Variants in NDUFS1 observed in about 807,000 individuals in gnomAD.
The protein encoded by NDUFS1 is NADH-ubiquinone oxidoreductase 75 kDa subunit, mitochondrial.
NDUFS1 carries 61 observed loss-of-function variants against 84.4 expected under a neutral mutation model. The observed-to-expected ratio is 0.72, with a 90% CI of 0.59 to 0.89. The LOEUF (loss-of-function observed/expected upper bound fraction) is 0.89, where lower values mean the gene tolerates loss of function less well. Among genes scored for constraint, NDUFS1 ranks in the 40% least tolerant of loss-of-function variants. The pLI, the probability that NDUFS1 is intolerant of heterozygous loss-of-function variation, is 0.00. For missense variants in NDUFS1, 891 were observed against 890.0 expected, an observed-to-expected ratio of 1.00 and a Z score of -0.01; for synonymous variants, 275 against 290.0, an observed-to-expected ratio of 0.95 and a Z score of 0.53.
chr2:206,137,367 G>A (rs1420041777), intron 13 of NDUFS1, among the ~76,000 whole-genome samples: 3 of 151,956 alleles, frequency 2.0e-5, no homozygotes, highest in Non-Finnish European at 2.9e-5. Flanking sequence ...CCAGCTACTC[G>A]GGAGGCTAAG....
chr2:206,129,159 G>A (rs1691408792), intron 15 of NDUFS1, among the ~76,000 whole-genome samples: 2 of 152,100 alleles, frequency 1.3e-5, no homozygotes, highest in Admixed American at 1.3e-4. Context: ...TATAATTTGT[G>A]CACATTTGTA....
At chr2:206,156,832 T>A (rs1687674060) in intron 1 of NDUFS1, among the ~76,000 whole-genome samples, 1 of 152,096 alleles carries the variant, frequency 6.6e-6, no homozygotes, top group African/African-American at 2.4e-5. Context: ...GGTAAATGAG[T>A]TTCTGGTTCT....
intron 18 of NDUFS1, 56 bp downstream of exon 18, chr2:206,126,483 G>T (rs1691295608): frequency 2.0e-6 from 3 of 1,471,382 alleles, no homozygotes; most frequent in Non-Finnish European, 1.9e-6. Context: ...CAAATGAGGT[G>T]ATCTGATTAC....
rs1377107227 is a variant in NDUFS1 at position 206,120,362 on chromosome 2, GA to G, written c.*3822del. The G allele has an allele frequency of 1.3e-5, 2 of 152,246 alleles. No homozygotes were observed. Among genetic ancestry groups the G allele is most frequent in the African/African-American group, 4.8e-5 (2 of 41,460 alleles). The allele number at this position is 152,246 out of a possible 1,614,324, so 9.4% of individuals were successfully genotyped here. On this transcript the variant is annotated 3_prime_UTR_variant, in exon 19 of 19. Transcript: ENST00000233190. ...AGGTTGGAAGAATCTGGAGGGCTCA[GA>G]AGACAGAAAGATGAGGGAAAGTTTG... is the stretch of plus-strand genomic sequence containing the variant.
chr2:206,127,671 G>T, intron 16 of NDUFS1, 126 bp downstream of exon 16: 2 of 1,035,972 alleles, frequency 1.9e-6, no homozygotes, highest in Non-Finnish European at 2.9e-6. Flanking sequence ...GTTTTCTATA[G>T]AAATTATTCA....
rs1437290467 is a variant in NDUFS1 at position 206,152,144 on chromosome 2, A to G, written c.153+275T>C. ...CCAAAGTGCTGGGATTACAGGCATG[A>G]GCCACTGCGCTCGGACTTCAAATTT... On this transcript the variant is annotated intron_variant, in intron 3 of 18. Coordinates refer to ENST00000233190, the MANE Select transcript of NDUFS1 (RefSeq NM_005006.7). Among the ~76,000 whole-genome samples the G allele has an allele frequency of 2.0e-5, 3 of 152,210 alleles. No individual in the cohort carries two copies. The East Asian group carries it at 5.8e-4, about 29-fold the overall frequency.
rs1035320466 is a variant in NDUFS1, at chr2:206,116,432, G to C, written c.*7753C>G. 2 of 758,924 alleles carry C rather than the reference G, an allele frequency of 2.6e-6. No individual in the cohort carries two copies. Among genetic ancestry groups the C allele is most frequent in the Non-Finnish European group, 4.2e-6 (2 of 481,752 alleles). The allele number at this position is 758,924 out of a possible 1,614,324, so 47.0% of individuals were successfully genotyped here. A position where few individuals can be genotyped will look rare whatever the true frequency, so the allele number is the denominator to read the frequency against. ...GCCAGGGCCTCGATAGGCAGGGCGC[G>C]GCAGGTGCCAGGACCACGTGCAGGC... is the stretch of plus-strand genomic sequence containing the variant. On this transcript the variant is annotated 3_prime_UTR_variant, in exon 19 of 19. Coordinates refer to ENST00000233190, the MANE Select transcript of NDUFS1 (RefSeq NM_005006.7).
At chr2:206,135,435 G>A (rs1477124393) in intron 13 of NDUFS1, among the ~76,000 whole-genome samples, 1 of 152,062 alleles carries the variant, frequency 6.6e-6, no homozygotes, top group East Asian at 1.9e-4. Flanking sequence ...AGTACTTTGG[G>A]AGGCCGACAC....
At chr2:206,140,943 T>TACACACACACAC (rs1553505280) in intron 12 of NDUFS1, among the ~76,000 whole-genome samples, 21 of 136,122 alleles carry the variant, frequency 1.5e-4, no homozygotes, top group African/African-American at 3.6e-4. Flanking sequence ...TATATATATA[T>TACACACACACAC]ACACACACAC....
At chr2:206,149,438 A>G (rs1274762002) in intron 4 of NDUFS1, among the ~76,000 whole-genome samples, 1 of 152,210 alleles carries the variant, frequency 6.6e-6, no homozygotes, top group Non-Finnish European at 1.5e-5. Flanking sequence ...AAATGAAATT[A>G]AACTACTGAA....
Position 206,115,799 on chromosome 2 carries a change from TAAC to T in NDUFS1, c.*8383_*8385del, listed in dbSNP as rs1307870364. The T allele has an allele frequency of 5.1e-5, 21 of 408,010 alleles. No homozygotes were observed. Among genetic ancestry groups the T allele is most frequent in the Middle Eastern group, 1.6e-3 (2 of 1,258 alleles). The allele number at this position is 408,010 out of a possible 1,614,324, so 25.3% of individuals were successfully genotyped here. On this transcript the variant is annotated 3_prime_UTR_variant, in exon 19 of 19. Coordinates refer to ENST00000233190, the MANE Select transcript of NDUFS1 (RefSeq NM_005006.7). ...TACAATATTATATAAGGCTTAAGAA[TAAC>T]AACATTATCTTTGAATTATGTAATT... is the stretch of plus-strand genomic sequence containing the variant.
In NDUFS1 at chr2:206,118,209, T is replaced by TA. The variant is rs1166404960; in HGVS notation, c.*5975dup. The TA allele has an allele frequency of 6.6e-6, 1 of 152,252 alleles. No homozygotes were observed. The highest frequency in any genetic ancestry group is 6.5e-5 in the Admixed American group (1 of 15,288). The allele number at this position is 152,252 out of a possible 1,614,324, so 9.4% of individuals were successfully genotyped here. A position where few individuals can be genotyped will look rare whatever the true frequency, so the allele number is the denominator to read the frequency against. ...TTTGGTTTTGAGATCCTTGTTCTCT[T>TA]AAAATCTGTGATCTGAAATCTAGTC... On this transcript the variant is annotated 3_prime_UTR_variant, in exon 19 of 19. Transcript: ENST00000233190.
At chr2:206,131,094 G>C (rs1372440859) in intron 14 of NDUFS1, among the ~76,000 whole-genome samples, 1 of 152,104 alleles carries the variant, frequency 6.6e-6, no homozygotes, top group African/African-American at 2.4e-5. Flanking sequence ...TTGTTGTTTT[G>C]GTTTAGCTTG....
intron 13 of NDUFS1, among the ~76,000 whole-genome samples, chr2:206,137,444 G>T (rs1239379007): frequency 2.0e-5 from 3 of 152,028 alleles, no homozygotes; most frequent in African/African-American, 7.3e-5. Flanking sequence ...ACTCCAGCCT[G>T]GGTGACAGAG....
At position 206,159,440 on chromosome 2, in the gene NDUFS1, A is replaced by T. The variant is rs1687823244; in HGVS notation, c.-104T>A. On this transcript the variant is annotated 5_prime_UTR_variant, in exon 1 of 19. Transcript: ENST00000233190. ...TTATTCAATATGGCGGCCTCGGCTA[A>T]CTCTGTCAGCCGGGCCTGGAGAACG... is the stretch of plus-strand genomic sequence containing the variant. 4.6e-6 allele frequency: 2 copies of T among 435,152 alleles called. No individual in the cohort carries two copies. Among genetic ancestry groups the T allele is most frequent in the African/African-American group, 4.0e-5 (2 of 50,310 alleles). The allele number at this position is 435,152 out of a possible 1,614,324, so 27.0% of individuals were successfully genotyped here. A position where few individuals can be genotyped will look rare whatever the true frequency, so the allele number is the denominator to read the frequency against.
intron 5 of NDUFS1, 29 bp from the exon 6 acceptor site, chr2:206,147,863 ACT>A (rs1344332840): frequency 6.4e-7 from 1 of 1,563,662 alleles, no homozygotes; most frequent in Admixed American, 1.7e-5. Flanking sequence ...ATATAAAATG[ACT>A]CTCAAATACA....
At chr2:206,151,147 T>A (rs1455650418) in intron 3 of NDUFS1, among the ~76,000 whole-genome samples, 1 of 152,164 alleles carries the variant, frequency 6.6e-6, no homozygotes, top group Non-Finnish European at 1.5e-5. Flanking sequence ...CAAATGATCA[T>A]CCTCTACAGT....
At chr2:206,157,963 C>CTTCCT (rs539046435) in intron 1 of NDUFS1, among the ~76,000 whole-genome samples, 2 of 131,864 alleles carry the variant, frequency 1.5e-5, no homozygotes, top group African/African-American at 5.8e-5. Context: ...ATTTCAATAG[C>CTTCCT]TTTTTTTTTT....
Position 206,142,955 on chromosome 2 carries a change from A to C in NDUFS1, c.988-124T>G, listed in dbSNP as rs1223758516. ...AAAAAAGTTAACAGACTTCTGATTA[A>C]AAGTTTTACAACATGCCCAGGCACA... On this transcript the variant is annotated intron_variant, in intron 10 of 18. Transcript: ENST00000233190. The C allele has an allele frequency of 5.9e-6, 8 of 1,358,344 alleles. No individual in the cohort carries two copies. In the East Asian group the frequency reaches 1.8e-4, roughly 30 times the overall value. 84.1% of individuals were successfully genotyped at this position (1,358,344 alleles called of 1,614,324 possible). A position where few individuals can be genotyped will look rare whatever the true frequency, so the allele number is the denominator to read the frequency against.
Sources: gnomAD v4.1 joint callset for allele counts (sites outside exome capture counted in the v4.1 genomes callset) on GRCh38, gnomAD v4.1.1 for gene constraint, MANE v1.5 for transcripts, NCBI Gene and HGNC (gene_info 2026-07-23, HGNC 2026-07-21) for gene names.